Variants in CDH13 observed in about 807,000 individuals in gnomAD.
CDH13 encodes the protein cadherin 13.
A neutral mutation model predicts 63.8 loss-of-function variants in CDH13; 24 were observed. The ratio of observed to expected loss-of-function variants is 0.38; its 90% CI spans 0.27 to 0.53. CDH13 has a LOEUF of 0.53. CDH13 is among the 20% of genes least tolerant of loss of function. The probability of loss-of-function intolerance (pLI) is 0.85; values close to 1 mark genes in which losing one functional copy is unlikely to be tolerated. For missense variants in CDH13, 1,049 were observed against 903.1 expected (o/e 1.16, Z -2.07); for synonymous variants, 503 against 355.3 (o/e 1.42, Z -4.67).
chr16:83,791,326 T>A (rs1916249710), intron 13 of CDH13, among the ~76,000 whole-genome samples: 1 of 151,664 alleles, frequency 6.6e-6, no homozygotes, highest in African/African-American at 2.4e-5. Flanking sequence ...GTGAAACTCA[T>A]CTCTACTAAA....
chr16:82,887,143 C>T (rs1260568310), intron 2 of CDH13, among the ~76,000 whole-genome samples: 1 of 152,100 alleles, frequency 6.6e-6, no homozygotes, highest in Non-Finnish European at 1.5e-5. Context: ...CGAACTTGTG[C>T]CCAAAGATTT....
chr16:82,829,533 G>C lies in CDH13; in HGVS notation c.46-28829G>C, dbSNP rs2038428852. Reference sequence around the variant, plus strand: ...GGGGTAGGGTGGAAAAGTGCAGTCGGAAGACAGAGAAAATCAGCAAGAAGA... The same window carrying C: ...GGGGTAGGGTGGAAAAGTGCAGTCGCAAGACAGAGAAAATCAGCAAGAAGA... On this transcript the variant is annotated intron_variant, in intron 1 of 13. Coordinates refer to ENST00000567109, the MANE Select transcript of CDH13 (RefSeq NM_001257.5). 2 of 152,054 alleles carry C rather than the reference G, an allele frequency of 1.3e-5. 1 individual carries two copies. The highest frequency in any genetic ancestry group is 4.2e-4 in the South Asian group (2 of 4,808). The allele number at this position is 152,054 out of a possible 1,614,324, so 9.4% of individuals were successfully genotyped here.
At chr16:83,333,809 C>A (rs936425651) in intron 5 of CDH13, among the ~76,000 whole-genome samples, 3 of 152,144 alleles carry the variant, frequency 2.0e-5, no homozygotes, top group Non-Finnish European at 4.4e-5. Context: ...GTTGTTTCGG[C>A]TTCATTGTTA....
intron 4 of CDH13, among the ~76,000 whole-genome samples, chr16:83,148,837 T>TTAAA (rs980957069): frequency 1.3e-5 from 2 of 152,036 alleles, no homozygotes; most frequent in Admixed American, 1.3e-4. Flanking sequence ...TATTTACTCT[T>TTAAA]TTTTAAAGAC....
chr16:83,107,576 A>T (rs1317759024), intron 3 of CDH13, among the ~76,000 whole-genome samples: 3 of 152,144 alleles, frequency 2.0e-5, no homozygotes, highest in Non-Finnish European at 4.4e-5. Context: ...AAAAATAGGG[A>T]AACTCCTATG....
At chr16:82,940,587 C>G (rs1260435330) in intron 2 of CDH13, among the ~76,000 whole-genome samples, 1 of 152,184 alleles carries the variant, frequency 6.6e-6, no homozygotes, top group Non-Finnish European at 1.5e-5. Context: ...TTCTTCTTAC[C>G]TGCTTCACCT....
intron 13 of CDH13, among the ~76,000 whole-genome samples, chr16:83,791,368 C>T (rs1458882910): frequency 6.6e-6 from 1 of 151,992 alleles, no homozygotes; most frequent in East Asian, 1.9e-4. Flanking sequence ...CGGTGGCACA[C>T]ACCTGTAATC....
chr16:83,581,912 G>A (rs563925253), intron 7 of CDH13, among the ~76,000 whole-genome samples: 2 of 152,302 alleles, frequency 1.3e-5, no homozygotes, highest in East Asian at 3.9e-4. Context: ...ACATACCACT[G>A]TTGATCTTCT....
chr16:83,443,221 G>A (rs1249377595), intron 6 of CDH13, among the ~76,000 whole-genome samples: 1 of 152,190 alleles, frequency 6.6e-6, no homozygotes, highest in African/African-American at 2.4e-5. Context: ...TGCTTAGAAT[G>A]GTGGATGGAG....
At chr16:83,627,170 G>A (rs1910387719) in intron 8 of CDH13, among the ~76,000 whole-genome samples, 1 of 151,368 alleles carries the variant, frequency 6.6e-6, no homozygotes, top group Non-Finnish European at 1.5e-5. Context: ...TGCACCTGTA[G>A]TCTCAGCTAC....
chr16:83,481,551 G>A (rs2073763822), intron 6 of CDH13, among the ~76,000 whole-genome samples: 1 of 152,180 alleles, frequency 6.6e-6, no homozygotes, highest in Admixed American at 6.5e-5. Flanking sequence ...GCTGCAGTCA[G>A]GAGGAAGGGG....
At chr16:83,172,228 T>C (rs940646875) in intron 4 of CDH13, among the ~76,000 whole-genome samples, 10 of 152,102 alleles carry the variant, frequency 6.6e-5, no homozygotes, top group South Asian at 2.1e-4. Context: ...CGGTGGCTCA[T>C]GCCTGTAATC....
At chr16:82,735,697 C>T (rs780126425) in intron 1 of CDH13, among the ~76,000 whole-genome samples, 1 of 152,240 alleles carries the variant, frequency 6.6e-6, no homozygotes. Flanking sequence ...CATTATCCCA[C>T]TGTGATCTGA....
chr16:83,464,248 C>G (rs1225586966), intron 6 of CDH13, among the ~76,000 whole-genome samples: 2 of 152,012 alleles, frequency 1.3e-5, no homozygotes, highest in African/African-American at 4.8e-5. Flanking sequence ...CATGGTGGCT[C>G]ACGCCTGTAA....
At chr16:83,184,101 C>CACAT in intron 4 of CDH13, among the ~76,000 whole-genome samples, 1 of 146,428 alleles carries the variant, frequency 6.8e-6, no homozygotes, top group East Asian at 2.0e-4. Flanking sequence ...CACACACACA[C>CACAT]ACACACACAC....
chr16:82,676,594 T>C lies in CDH13; in HGVS notation c.45+49457T>C, dbSNP rs555147718. The stretch of plus-strand genomic sequence containing the variant: ...ATCTTTCTCTTCTCCCCAACCAGAA[T>C]GATTCTTTGAAAGCTTCAGTATGAT... On this transcript the variant is annotated intron_variant, in intron 1 of 13. Coordinates refer to ENST00000567109, the MANE Select transcript of CDH13 (RefSeq NM_001257.5). Among the ~76,000 whole-genome samples the C allele has an allele frequency of 6.6e-5, 10 of 150,452 alleles. No homozygotes were observed. The East Asian group carries it at 1.0e-3, about 15-fold the overall frequency.
chr16:83,417,413 G>C (rs2071582577), intron 6 of CDH13, among the ~76,000 whole-genome samples: 1 of 151,922 alleles, frequency 6.6e-6, no homozygotes, highest in South Asian at 2.1e-4. Context: ...TTCTCTTCTT[G>C]CTGCCCTGAC....
At chr16:83,149,378 A>G (rs2036879925) in intron 4 of CDH13, among the ~76,000 whole-genome samples, 1 of 152,234 alleles carries the variant, frequency 6.6e-6, no homozygotes, top group Non-Finnish European at 1.5e-5. Flanking sequence ...AGGCGATGTT[A>G]ACTTTAAACT....
rs375077796 is a variant in CDH13, at chr16:82,871,933, T to G, written c.157+13460T>G. Among the ~76,000 whole-genome samples, 7 of 152,270 alleles carry G rather than the reference T, an allele frequency of 4.6e-5. No homozygotes were observed. In the East Asian group the frequency reaches 1.4e-3, roughly 29 times the overall value. ...TTTTCCCAGTGTTCCAGCAAATATCTCAAGGCTGACCGTCCTTGGACCAAC... is the reference window on the plus strand; with the variant it reads ...TTTTCCCAGTGTTCCAGCAAATATCGCAAGGCTGACCGTCCTTGGACCAAC... On this transcript the variant is annotated intron_variant, in intron 2 of 13. Transcript: ENST00000567109.
Sources: allele counts gnomAD v4.1 joint callset (sites outside exome capture counted in the v4.1 genomes callset), GRCh38; gene constraint gnomAD v4.1.1; transcripts MANE v1.5; gene names NCBI Gene and HGNC (gene_info 2026-07-23, HGNC 2026-07-21).